GRM1: variants seen among roughly 807,000 people sequenced by gnomAD.
GRM1 encodes metabotropic glutamate receptor 1.
GRM1 carries 33 observed loss-of-function variants against 90.9 expected under a neutral mutation model. The ratio of observed to expected loss-of-function variants is 0.36; its 90% CI spans 0.28 to 0.49. The LOEUF (loss-of-function observed/expected upper bound fraction) is 0.49. Ranked by LOEUF, GRM1 falls within the 20% of genes least tolerant of loss-of-function variation. GRM1 has a pLI of 0.99. For synonymous variants in GRM1, 700 were observed against 613.2 expected (o/e 1.14, Z -2.09); for missense variants, 1,190 against 1,534.3 (o/e 0.78, Z 3.75).
At chr6:146,335,500 A>G (rs1261499360) in intron 3 of GRM1, among the ~76,000 whole-genome samples, 1 of 152,136 alleles carries the variant, frequency 6.6e-6, no homozygotes, top group East Asian at 1.9e-4. Context: ...ACATTGTGCT[A>G]AATACACATT....
intron 2 of GRM1, among the ~76,000 whole-genome samples, chr6:146,236,257 T>C (rs1780642087): frequency 6.6e-6 from 1 of 152,176 alleles, no homozygotes; most frequent in Non-Finnish European, 1.5e-5. Context: ...TCTACTCACA[T>C]TTCAAGTACT....
At position 146,191,047 on chromosome 6, in the gene GRM1, T is replaced by A. The variant is rs555042250; in HGVS notation, c.950+31450T>A. ...CCATGCACTTGCCATTCTCTCTCTC[T>A]CACCTCTGTGCCTCTGCATGCTCTA... is the stretch of plus-strand genomic sequence containing the variant. On this transcript the variant is annotated intron_variant, in intron 2 of 7. Transcript: ENST00000282753. Among the ~76,000 whole-genome samples, 45 of 152,288 alleles carry A rather than the reference T, an allele frequency of 3.0e-4. No homozygotes were observed. The South Asian group carries it at 8.1e-3, about 27-fold the overall frequency.
intron 1 of GRM1, among the ~76,000 whole-genome samples, chr6:146,124,888 G>A (rs9373486): frequency 6.6e-6 from 1 of 151,898 alleles, no homozygotes; most frequent in African/African-American, 2.4e-5. Context: ...ACATTGCTTA[G>A]GTTTCTTGAA....
intron 1 of GRM1, among the ~76,000 whole-genome samples, chr6:146,060,904 C>T (rs559706302): frequency 6.6e-6 from 1 of 152,270 alleles, no homozygotes; most frequent in Admixed American, 6.5e-5. Context: ...ACAACCTTGC[C>T]AGCATCTGTT....
intron 2 of GRM1, among the ~76,000 whole-genome samples, chr6:146,228,550 A>G (rs1780332250): frequency 6.6e-6 from 1 of 152,208 alleles, no homozygotes. Flanking sequence ...TTGAGGGGAC[A>G]TTCAAACCAT....
At chr6:146,244,940 T>C (rs1244601969) in intron 2 of GRM1, among the ~76,000 whole-genome samples, 1 of 152,242 alleles carries the variant, frequency 6.6e-6, no homozygotes, top group Admixed American at 6.5e-5. Context: ...CAGTTAGCTA[T>C]TGCAAATTTG....
intron 2 of GRM1, among the ~76,000 whole-genome samples, chr6:146,272,654 G>T (rs1413569493): frequency 6.6e-6 from 1 of 152,158 alleles, no homozygotes; most frequent in Non-Finnish European, 1.5e-5. Context: ...CTTCATAAAG[G>T]ATGTTTCATT....
intron 1 of GRM1, among the ~76,000 whole-genome samples, chr6:146,133,929 G>A (rs550606001): frequency 3.3e-5 from 5 of 152,300 alleles, no homozygotes; most frequent in African/African-American, 9.6e-5. Flanking sequence ...TAGGTTAGAA[G>A]GGCCCCTGCC....
intron 2 of GRM1, among the ~76,000 whole-genome samples, chr6:146,196,677 G>T (rs1779135878): frequency 1.3e-5 from 2 of 151,974 alleles, no homozygotes; most frequent in Non-Finnish European, 2.9e-5. Context: ...TGTTAGAAAT[G>T]AGGATTCTCA....
At chr6:146,167,276 A>T (rs2128893380) in intron 2 of GRM1, among the ~76,000 whole-genome samples, 1 of 152,258 alleles carries the variant, frequency 6.6e-6, no homozygotes, top group South Asian at 2.1e-4. Context: ...CAACTTGCTT[A>T]TCCATTTACC....
rs1157575690 is a variant in GRM1, at chr6:146,398,927, C to A, written c.1888C>A (p.Leu630Ile). The change falls in exon 7 of 8, where the codon CTC becomes ATC. Residue 630 changes from leucine (L) to isoleucine (I), a missense_variant. By Grantham distance (5) the Leu-to-Ile change is conservative (BLOSUM62 2). Transcript: ENST00000282753. ...TPVVKSSSRELCYIILAGIFL... is the reference protein window; with the variant it reads ...TPVVKSSSREICYIILAGIFL... Reference sequence around the variant, plus strand: ...AGTGGTCAAATCCTCCAGTCGGGAGCTCTGCTACATCATCCTAGCTGGCAT... The same window carrying A: ...AGTGGTCAAATCCTCCAGTCGGGAGATCTGCTACATCATCCTAGCTGGCAT... 1 of 1,614,118 alleles carries A rather than the reference C, an allele frequency of 6.2e-7. No individual in the cohort carries two copies.
At chr6:146,125,078 A>C (rs950589911) in intron 1 of GRM1, among the ~76,000 whole-genome samples, 16 of 152,182 alleles carry the variant, frequency 1.1e-4, no homozygotes, top group African/African-American at 3.9e-4. Context: ...GTTTGAGATC[A>C]AGAATGACCC....
intron 2 of GRM1, among the ~76,000 whole-genome samples, chr6:146,163,906 C>A (rs577521281): frequency 3.3e-5 from 5 of 152,086 alleles, no homozygotes; most frequent in Non-Finnish European, 5.9e-5. Flanking sequence ...TTTTCCAGCT[C>A]ATTTCTTTAT....
intron 2 of GRM1, among the ~76,000 whole-genome samples, chr6:146,170,395 ATGTATGTTG>A (rs1778072390): frequency 1.3e-5 from 2 of 151,810 alleles, no homozygotes; most frequent in South Asian, 4.2e-4. Context: ...CTCTTTTTAT[ATGTATGTTG>A]GTACACTCAC....
intron 3 of GRM1, among the ~76,000 whole-genome samples, chr6:146,331,391 G>C (rs1269151125): frequency 6.6e-6 from 1 of 152,052 alleles, no homozygotes; most frequent in African/African-American, 2.4e-5. Flanking sequence ...ATTTTTACTA[G>C]CTAGAGAAAA....
intron 2 of GRM1, among the ~76,000 whole-genome samples, chr6:146,293,930 C>A (rs1228770302): frequency 6.6e-6 from 1 of 151,310 alleles, no homozygotes; most frequent in Non-Finnish European, 1.5e-5. Context: ...AAAAATTTAT[C>A]CTGTATCTGA....
chr6:146,138,349 GA>G (rs1776705565), intron 1 of GRM1, among the ~76,000 whole-genome samples: 1 of 151,848 alleles, frequency 6.6e-6, no homozygotes, highest in African/African-American at 2.4e-5. Flanking sequence ...CAGTTTTTGA[GA>G]TTTTTTTATT....
intron 3 of GRM1, among the ~76,000 whole-genome samples, chr6:146,334,931 T>C (rs1386424644): frequency 1.3e-5 from 2 of 152,200 alleles, no homozygotes; most frequent in Non-Finnish European, 2.9e-5. Flanking sequence ...CGTACTCATG[T>C]GGATTCCTGT....
At chr6:146,065,441 G>A (rs892263561) in intron 1 of GRM1, among the ~76,000 whole-genome samples, 10 of 152,104 alleles carry the variant, frequency 6.6e-5, no homozygotes, top group Non-Finnish European at 1.2e-4. Context: ...CTGTGCTTCC[G>A]TTTCTGAATC....
Sources: gnomAD v4.1 joint callset for allele counts (sites outside exome capture counted in the v4.1 genomes callset) on GRCh38, gnomAD v4.1.1 for gene constraint, MANE v1.5 for transcripts, NCBI Gene and HGNC (gene_info 2026-07-23, HGNC 2026-07-21) for gene names.